Variants in HABP4 observed in about 807,000 individuals in gnomAD.
The protein encoded by HABP4 is hyaluronan binding protein 4, also known as intracellular hyaluronan-binding protein 4.
HABP4 carries 32 observed loss-of-function variants against 44.1 expected under a neutral mutation model. The ratio of observed to expected loss-of-function variants is 0.73; its 90% CI spans 0.55 to 0.97. The LOEUF (loss-of-function observed/expected upper bound fraction) is 0.97, where lower values mean the gene tolerates loss of function less well. Among genes scored for constraint, HABP4 ranks in the 50% least tolerant of loss-of-function variants. HABP4 has a pLI of 0.00. For synonymous variants in HABP4, 216 were observed against 218.0 expected, an observed-to-expected ratio of 0.99 and a Z score of 0.08; for missense variants, 503 against 561.9, an observed-to-expected ratio of 0.90 and a Z score of 1.06.
At position 96,450,905 on chromosome 9, in the gene HABP4, T is replaced by C. The variant is rs1192907484; in HGVS notation, c.349+277T>C. 3.3e-5 allele frequency among the ~76,000 whole-genome samples: 5 copies of C among 151,512 alleles called. No homozygotes were observed. Among genetic ancestry groups the C allele is most frequent in the Admixed American group, 6.6e-5 (1 of 15,210 alleles). On this transcript the variant is annotated intron_variant, in intron 1 of 7. Coordinates refer to ENST00000375249, the MANE Select transcript of HABP4 (RefSeq NM_014282.4). The surrounding 1 kb of genome is among the most constrained non-coding windows in gnomAD (Gnocchi z 4.8). Reference sequence around the variant, plus strand: ...GCAAGTTGGACGAAGTTGAGGGAGGTTGTCTGGGTGGCGTGTGGGGGCGAA... The same window carrying C: ...GCAAGTTGGACGAAGTTGAGGGAGGCTGTCTGGGTGGCGTGTGGGGGCGAA...
intron 5 of HABP4, among the ~76,000 whole-genome samples, chr9:96,472,112 G>A (rs1483431698): frequency 6.6e-6 from 1 of 152,046 alleles, no homozygotes; most frequent in Non-Finnish European, 1.5e-5. Flanking sequence ...ATACCCATGC[G>A]CCTTCAACTC....
chr9:96,480,352 T>C (rs1285351002), intron 5 of HABP4, among the ~76,000 whole-genome samples: 2 of 152,218 alleles, frequency 1.3e-5, no homozygotes, highest in Non-Finnish European at 2.9e-5. Context: ...TACTATAGTT[T>C]TTTCACCAAG....
chr9:96,460,727 T>C (rs921253663), intron 2 of HABP4, among the ~76,000 whole-genome samples: 5 of 152,230 alleles, frequency 3.3e-5, no homozygotes, highest in Admixed American at 1.3e-4. Context: ...TTTGAGTTTT[T>C]CTGATGTTTC....
chr9:96,490,697 GT>G lies in HABP4; in HGVS notation c.*660del, dbSNP rs2131169614. 2 of 152,264 alleles carry G rather than the reference GT, an allele frequency of 1.3e-5. 1 individual carries two copies. Among genetic ancestry groups the G allele is most frequent in the South Asian group, 4.1e-4 (2 of 4,826 alleles). The allele number at this position is 152,264 out of a possible 1,614,324, so 9.4% of individuals were successfully genotyped here. ...CTGTGTGTGTGCACACACACATCTA[GT>G]GTTTGGGTGGTTTTTAGGAAGAATA... On this transcript the variant is annotated 3_prime_UTR_variant, in exon 8 of 8. Coordinates refer to ENST00000375249, the MANE Select transcript of HABP4 (RefSeq NM_014282.4).
chr9:96,458,603 C>T (rs1454510703), intron 2 of HABP4, 62 bp downstream of exon 2: 14 of 986,658 alleles, frequency 1.4e-5, no homozygotes, highest in Non-Finnish European at 2.0e-5. Context: ...GAAAATGCTA[C>T]TTTCTTTTTC....
Position 96,450,174 on chromosome 9 carries a change from C to A in HABP4, c.-106C>A. 3 of 1,146,672 alleles carry A rather than the reference C, an allele frequency of 2.6e-6. No individual in the cohort carries two copies. The highest frequency in any genetic ancestry group is 6.7e-5 in the South Asian group (2 of 29,944). 71.0% of individuals were successfully genotyped at this position (1,146,672 alleles called of 1,614,324 possible). On this transcript the variant is annotated 5_prime_UTR_variant, in exon 1 of 8. Transcript: ENST00000375249. The surrounding 1 kb of genome is among the most constrained non-coding windows in gnomAD (Gnocchi z 4.8). ...CGGTAGGGGCCGGACAGGGTAGGGC[C>A]CGGAGGGCGGTGGCGGCGGAGCGGG...
chr9:96,462,742 A>G lies in HABP4; in HGVS notation c.513-2595A>G, dbSNP rs886227539. 5.9e-5 allele frequency among the ~76,000 whole-genome samples: 9 copies of G among 152,002 alleles called. No homozygotes were observed. In the East Asian group the frequency reaches 1.2e-3, roughly 20 times the overall value. On this transcript the variant is annotated intron_variant, in intron 2 of 7. Transcript: ENST00000375249. The stretch of plus-strand genomic sequence containing the variant: ...GTAATTTGAGACCAACCTGGGCGAC[A>G]TGGTGAAACCCGCATCTCTACAAAG...
intron 4 of HABP4, among the ~76,000 whole-genome samples, chr9:96,467,409 T>A (rs960268254): frequency 1.3e-5 from 2 of 152,134 alleles, no homozygotes; most frequent in African/African-American, 4.8e-5. Context: ...TGATGACAGA[T>A]CTTTTAATTT....
intron 2 of HABP4, 68 bp downstream of exon 2, chr9:96,458,609 T>A: frequency 9.4e-7 from 1 of 1,063,230 alleles, no homozygotes; most frequent in Non-Finnish European, 1.4e-6. Context: ...GCTACTTTCT[T>A]TTTCTTTTCT....
At chr9:96,450,108 C>T (rs1205351036), upstream of HABP4, 5 of 573,750 alleles carry the variant, frequency 8.7e-6, no homozygotes, top group Non-Finnish European at 1.2e-5. The surrounding 1 kb of genome is among the most constrained non-coding windows in gnomAD (Gnocchi z 4.8). Flanking sequence ...GGCTGTCTGG[C>T]GCAGCGGGGC....
intron 5 of HABP4, among the ~76,000 whole-genome samples, chr9:96,477,569 A>G (rs566753982): frequency 6.6e-5 from 10 of 152,308 alleles, no homozygotes; most frequent in Non-Finnish European, 5.9e-5. Context: ...ACTTGATATC[A>G]TTAATTCCAA....
chr9:96,473,701 CT>C (rs1187639365), intron 5 of HABP4, among the ~76,000 whole-genome samples: 2 of 152,180 alleles, frequency 1.3e-5, no homozygotes, highest in Admixed American at 1.3e-4. Flanking sequence ...ACCATGAGGC[CT>C]TTATTTCATG....
intron 5 of HABP4, among the ~76,000 whole-genome samples, chr9:96,481,552 G>A (rs1244143730): frequency 1.3e-5 from 2 of 152,030 alleles, no homozygotes; most frequent in African/African-American, 4.8e-5. Context: ...AGACCAGCAT[G>A]GGCTACATGG....
chr9:96,461,503 C>T (rs1424410025), intron 2 of HABP4, among the ~76,000 whole-genome samples: 1 of 151,646 alleles, frequency 6.6e-6, no homozygotes, highest in South Asian at 2.1e-4. Flanking sequence ...GTAGTTTACT[C>T]CCAGAATATG....
intron 5 of HABP4, among the ~76,000 whole-genome samples, chr9:96,474,005 T>G (rs1722822020): frequency 6.6e-6 from 1 of 152,198 alleles, no homozygotes; most frequent in Non-Finnish European, 1.5e-5. Context: ...ACCTACATTA[T>G]AGGGTTCTTG....
rs968669208 is a variant in HABP4 at position 96,490,686 on chromosome 9, A to G, written c.*648A>G. The G allele has an allele frequency of 6.6e-6, 1 of 152,202 alleles. No individual in the cohort carries two copies. Among genetic ancestry groups the G allele is most frequent in the Non-Finnish European group, 1.5e-5 (1 of 68,046 alleles). 9.4% of individuals were successfully genotyped at this position (152,202 alleles called of 1,614,324 possible). A position where few individuals can be genotyped will look rare whatever the true frequency, so the allele number is the denominator to read the frequency against. ...CCTCGTGGTTTCTGTGTGTGTGCAC[A>G]CACACATCTAGTGTTTGGGTGGTTT... On this transcript the variant is annotated 3_prime_UTR_variant, in exon 8 of 8. Transcript: ENST00000375249.
chr9:96,450,480 C>T lies in HABP4; in HGVS notation c.201C>T (p.Ala67=). The change falls in exon 1 of 8, where the codon GCC becomes GCT. Residue 67 remains alanine, a synonymous_variant. Coordinates refer to ENST00000375249, the MANE Select transcript of HABP4 (RefSeq NM_014282.4). The surrounding 1 kb of genome is among the most constrained non-coding windows in gnomAD (Gnocchi z 4.8). The part of the protein sequence containing the change: ...RRDEAAAAAG[A]GPRGGRSPAG... ...ACGAGGCGGCGGCGGCGGCCGGGGC[C>T]GGTCCCCGCGGCGGCAGGAGCCCAG... 1 of 1,213,534 alleles carries T rather than the reference C, an allele frequency of 8.2e-7. No homozygotes were observed. The highest frequency in any genetic ancestry group is 1.0e-6 in the Non-Finnish European group (1 of 974,892). The allele number at this position is 1,213,534 out of a possible 1,614,324, so 75.2% of individuals were successfully genotyped here.
In HABP4 at chr9:96,450,268, G is replaced by A. The variant is rs770635356; in HGVS notation, c.-12G>A. Reference sequence around the variant, plus strand: ...TGGGCTGCCCTCCCGGGCCCGCAGTGGTCGCGGCGGCATGAAGGGCGCTCT... The same window carrying A: ...TGGGCTGCCCTCCCGGGCCCGCAGTAGTCGCGGCGGCATGAAGGGCGCTCT... On this transcript the variant is annotated 5_prime_UTR_variant, in exon 1 of 8. Coordinates refer to ENST00000375249, the MANE Select transcript of HABP4 (RefSeq NM_014282.4). The surrounding 1 kb of genome is among the most constrained non-coding windows in gnomAD (Gnocchi z 4.8). The A allele has an allele frequency of 4.2e-6, 6 of 1,431,712 alleles. No homozygotes were observed. In the South Asian group the frequency reaches 6.7e-5, roughly 16 times the overall value. 88.7% of individuals were successfully genotyped at this position (1,431,712 alleles called of 1,614,324 possible).
At chr9:96,471,475 G>A (rs180673145) in intron 5 of HABP4, among the ~76,000 whole-genome samples, 8 of 152,152 alleles carry the variant, frequency 5.3e-5, no homozygotes, top group Admixed American at 5.2e-4. Context: ...TTCACAGACT[G>A]GGAATCTCAA....
Sources: allele counts gnomAD v4.1 joint callset (sites outside exome capture counted in the v4.1 genomes callset), GRCh38; gene constraint gnomAD v4.1.1; non-coding constraint Gnocchi (gnomAD v3.1); transcripts MANE v1.5; gene names NCBI Gene and HGNC (gene_info 2026-07-23, HGNC 2026-07-21).